The following ZBTB5 variants were observed in gnomAD, a reference collection of about 807,000 sequenced individuals.
The protein encoded by ZBTB5 is zinc finger and BTB domain-containing protein 5.
ZBTB5 carries 15 observed loss-of-function variants against 37.9 expected under a neutral mutation model. The observed-to-expected ratio is 0.40, with a 90% confidence interval of 0.26 to 0.61. ZBTB5 has a LOEUF of 0.61. Among genes scored for constraint, ZBTB5 ranks in the 20% least tolerant of loss-of-function variants. The pLI, the probability that ZBTB5 is intolerant of heterozygous loss-of-function variation, is 0.47. For missense variants in ZBTB5, 708 were observed against 856.8 expected (o/e 0.83, Z 2.17); for synonymous variants, 315 against 312.4 (o/e 1.01, Z -0.09).
Position 37,438,186 on chromosome 9 carries a change from T to C in ZBTB5, c.*2332A>G, listed in dbSNP as rs1823758510. On this transcript the variant is annotated 3_prime_UTR_variant, in exon 2 of 2. Transcript: ENST00000307750. ...AGCACCACTGACATGGATGCCTTGA[T>C]AGAACTCCTTGATAGAACTTTATGA... is the stretch of plus-strand genomic sequence containing the variant. The C allele has an allele frequency of 6.6e-6, 1 of 152,632 alleles. No individual in the cohort carries two copies. The highest frequency in any genetic ancestry group is 1.5e-5 in the Non-Finnish European group (1 of 68,032). The allele number at this position is 152,632 out of a possible 1,614,324, so 9.5% of individuals were successfully genotyped here. A position where few individuals can be genotyped will look rare whatever the true frequency, so the allele number is the denominator to read the frequency against.
chr9:37,460,211 G>A (rs564053617), intron 1 of ZBTB5, among the ~76,000 whole-genome samples: 1 of 152,102 alleles, frequency 6.6e-6, no homozygotes, highest in East Asian at 2.0e-4. Context: ...GCCGAGGCGG[G>A]TGGATCAACT....
chr9:37,459,712 A>AT (rs35037575), intron 1 of ZBTB5, among the ~76,000 whole-genome samples: 24 of 119,930 alleles, frequency 2.0e-4, no homozygotes, highest in African/African-American at 3.7e-4. Context: ...TGCCCAGCTA[A>AT]TTTTTTTTTT....
chr9:37,460,433 C>T (rs1044648618), intron 1 of ZBTB5, among the ~76,000 whole-genome samples: 1 of 151,642 alleles, frequency 6.6e-6, no homozygotes, highest in Non-Finnish European at 1.5e-5. Flanking sequence ...AGAGTGAACA[C>T]TCCCCCCCCA....
chr9:37,461,314 T>C (rs1433842059), intron 1 of ZBTB5, among the ~76,000 whole-genome samples: 2 of 152,112 alleles, frequency 1.3e-5, no homozygotes, highest in Non-Finnish European at 2.9e-5. Context: ...AGGAAGATGG[T>C]TGAGTGGATT....
chr9:37,446,361 T>C lies in ZBTB5; in HGVS notation c.-4-3806A>G, dbSNP rs189281920. ...TCAGGATCCTGGGAAATAACTGAAA[T>C]GGCAAACTAAGTCCACAAAATTCAA... is the stretch of plus-strand genomic sequence containing the variant. On this transcript the variant is annotated intron_variant, in intron 1 of 1. Transcript: ENST00000307750. Among the ~76,000 whole-genome samples the C allele has an allele frequency of 9.9e-4, 151 of 152,264 alleles. 2 individuals carry two copies. In the East Asian group the frequency reaches 0.027, roughly 28 times the overall value.
At chr9:37,453,435 C>T (rs987933814) in intron 1 of ZBTB5, among the ~76,000 whole-genome samples, 2 of 152,158 alleles carry the variant, frequency 1.3e-5, no homozygotes, top group African/African-American at 2.4e-5. Context: ...CCGCCTCAGC[C>T]TTCCAAAGTG....
chr9:37,461,748 T>C (rs1467191961), intron 1 of ZBTB5, among the ~76,000 whole-genome samples: 1 of 151,470 alleles, frequency 6.6e-6, no homozygotes, highest in African/African-American at 2.4e-5. Flanking sequence ...AAAAAGTAAA[T>C]TAGGAATAAA....
At chr9:37,448,595 G>C (rs1209926235) in intron 1 of ZBTB5, among the ~76,000 whole-genome samples, 1 of 152,050 alleles carries the variant, frequency 6.6e-6, no homozygotes, top group African/African-American at 2.4e-5. Context: ...CAGATGAGTT[G>C]GTGTTACACT....
intron 1 of ZBTB5, among the ~76,000 whole-genome samples, chr9:37,462,562 GTTTTT>G (rs372165548): frequency 9.8e-5 from 13 of 132,464 alleles, no homozygotes; most frequent in African/African-American, 3.4e-4. Context: ...TGCTTTAACC[GTTTTT>G]TTTTTTTTTT....
rs2118932966 is a variant in ZBTB5, at chr9:37,441,968, T to A, written c.584A>T (p.Gln195Leu). Residue 195 changes from glutamine to leucine, a missense_variant, in exon 2 of 2, where the codon CAG becomes CTG. Gln to Leu is a moderately radical substitution (Grantham distance 113). This residue lies in a region of ZBTB5 where 639 missense variants were observed against 690.5 expected (regional missense o/e 0.93). Coordinates refer to ENST00000307750, the MANE Select transcript of ZBTB5 (RefSeq NM_014872.3). ...CTGCCTGGCCCGCTCCTCTGCAGAC[T>A]GCTTGCGCTTATGAAGGCGTCTCAT... is the stretch of plus-strand genomic sequence containing the variant. ...FPMRRLHKRKQSAEERARQRL... is the reference protein window; with the variant it reads ...FPMRRLHKRKLSAEERARQRL... The A allele has an allele frequency of 3.7e-6, 6 of 1,613,984 alleles. No homozygotes were observed. Among genetic ancestry groups the A allele is most frequent in the Non-Finnish European group, 5.1e-6 (6 of 1,180,042 alleles).
intron 1 of ZBTB5, among the ~76,000 whole-genome samples, chr9:37,443,019 C>A (rs1006092148): frequency 5.9e-5 from 9 of 152,164 alleles, no homozygotes; most frequent in African/African-American, 2.2e-4. Flanking sequence ...AGATTGCACA[C>A]ACGCATTTGC....
chr9:37,447,751 A>G (rs1824015849), intron 1 of ZBTB5, among the ~76,000 whole-genome samples: 1 of 152,062 alleles, frequency 6.6e-6, no homozygotes, highest in Non-Finnish European at 1.5e-5. Context: ...ACAAATAAAT[A>G]GTATTTCAAC....
chr9:37,463,709 T>TA, intron 1 of ZBTB5, among the ~76,000 whole-genome samples: 1 of 152,318 alleles, frequency 6.6e-6, no homozygotes, highest in East Asian at 1.9e-4. Flanking sequence ...CTCCAAATCT[T>TA]ACCATTTTCA....
chr9:37,443,431 C>T (rs1245049270), intron 1 of ZBTB5, among the ~76,000 whole-genome samples: 1 of 152,018 alleles, frequency 6.6e-6, no homozygotes, highest in African/African-American at 2.4e-5. Flanking sequence ...ATTTTGGAAG[C>T]TGGGGAGAGG....
intron 1 of ZBTB5, among the ~76,000 whole-genome samples, chr9:37,456,211 A>G (rs1824185554): frequency 6.6e-6 from 1 of 152,062 alleles, no homozygotes; most frequent in African/African-American, 2.4e-5. Flanking sequence ...TCAGCCTCCC[A>G]AAGTGCTGGG....
At chr9:37,443,275 C>T (rs929111117) in intron 1 of ZBTB5, among the ~76,000 whole-genome samples, 55 of 151,110 alleles carry the variant, frequency 3.6e-4, no homozygotes, top group African/African-American at 1.2e-3. Context: ...TTGCAGTGAG[C>T]TGAGATCACA....
In ZBTB5 at chr9:37,441,649, C is replaced by G; in HGVS notation, c.903G>C (p.Gln301His). Reference sequence around the variant, plus strand: ...AACTACTTTTCTCAGGTGCAGCTTCCTGATCAAAACTAGTCTCAACCTGAG... The same window carrying G: ...AACTACTTTTCTCAGGTGCAGCTTCGTGATCAAAACTAGTCTCAACCTGAG... ...RATQVETSFD[Q>H]EAAPEKSSFQ... is the part of the protein sequence containing the mutation. Residue 301 changes from glutamine (Q) to histidine (H), a missense_variant, in exon 2 of 2, where the codon CAG becomes CAC. Physicochemically the swap from Gln to His is conservative, Grantham distance 24 (BLOSUM62 0). Around this residue, in one of 3 missense-constraint regions of ZBTB5, gnomAD observed 639 missense variants for 690.5 expected, o/e 0.93. Coordinates refer to ENST00000307750, the MANE Select transcript of ZBTB5 (RefSeq NM_014872.3). The G allele has an allele frequency of 1.9e-6, 3 of 1,613,756 alleles. No individual in the cohort carries two copies. The highest frequency in any genetic ancestry group is 2.5e-6 in the Non-Finnish European group (3 of 1,179,972).
intron 1 of ZBTB5, among the ~76,000 whole-genome samples, chr9:37,443,097 C>G (rs1033806011): frequency 7.9e-5 from 12 of 152,154 alleles, no homozygotes; most frequent in Admixed American, 1.3e-4. Flanking sequence ...TGCCTGTAAT[C>G]CCAGCACTTT....
chr9:37,458,197 CCAAACATCTGTG>C (rs1429293337), intron 1 of ZBTB5, among the ~76,000 whole-genome samples: 1 of 152,214 alleles, frequency 6.6e-6, no homozygotes, highest in African/African-American at 2.4e-5. Flanking sequence ...GGTCAGAATG[CCAAACATCTGTG>C]CTGAACACAG....
Sources: allele counts gnomAD v4.1 joint callset (sites outside exome capture counted in the v4.1 genomes callset), GRCh38; gene constraint gnomAD v4.1.1; regional missense constraint gnomAD v4.1.1; transcripts MANE v1.5; gene names NCBI Gene and HGNC (gene_info 2026-07-23, HGNC 2026-07-21).